The following FBN2 variants were observed in gnomAD, a reference collection of about 807,000 sequenced individuals.
FBN2 encodes fibrillin-2.
In FBN2, 105 loss-of-function variants were observed where a neutral mutation model predicts 355.6. The ratio of observed to expected loss-of-function variants is 0.30; its 90% CI spans 0.25 to 0.35. The LOEUF is 0.35. Among genes scored for constraint, FBN2 ranks in the 10% least tolerant of loss-of-function variants. The probability of loss-of-function intolerance (pLI) is 1.00; values close to 1 mark genes in which losing one functional copy is unlikely to be tolerated. For missense variants in FBN2, 3,280 were observed against 3,758.7 expected, an observed-to-expected ratio of 0.87 and a Z score of 3.33; for synonymous variants, 1,350 against 1,301.2, an observed-to-expected ratio of 1.04 and a Z score of -0.81.
intron 6 of FBN2, among the ~76,000 whole-genome samples, chr5:128,458,807 A>G (rs531272520): frequency 1.3e-5 from 2 of 152,300 alleles, no homozygotes; most frequent in South Asian, 4.1e-4. Context: ...CAGTGTTAAG[A>G]AGGAAATTTA....
chr5:128,495,903 A>G (rs1176136792), intron 5 of FBN2, among the ~76,000 whole-genome samples: 1 of 152,174 alleles, frequency 6.6e-6, no homozygotes, highest in Non-Finnish European at 1.5e-5. Flanking sequence ...AACAAATCAG[A>G]CATATGAAAT....
At chr5:128,334,383 A>T (rs1461196216) in intron 31 of FBN2, among the ~76,000 whole-genome samples, 1 of 152,146 alleles carries the variant, frequency 6.6e-6, no homozygotes, top group South Asian at 2.1e-4. Context: ...TTTGTACATG[A>T]ATGTCTTCCA....
chr5:128,376,918 TA>T, intron 13 of FBN2, 65 bp from the exon 14 acceptor site: 1 of 1,593,646 alleles, frequency 6.3e-7, no homozygotes, highest in Non-Finnish European at 8.6e-7. Flanking sequence ...TCTTCTTCCA[TA>T]AACAACCCCC....
At chr5:128,491,548 C>T (rs1755504725) in intron 5 of FBN2, among the ~76,000 whole-genome samples, 1 of 152,194 alleles carries the variant, frequency 6.6e-6, no homozygotes, top group African/African-American at 2.4e-5. Context: ...ACTACCACAA[C>T]CCACTGTAAG....
At chr5:128,466,325 A>G (rs1754709345) in intron 5 of FBN2, among the ~76,000 whole-genome samples, 1 of 152,266 alleles carries the variant, frequency 6.6e-6, no homozygotes, top group African/African-American at 2.4e-5. Flanking sequence ...AAGGTCTAAC[A>G]TAAATGATAT....
At chr5:128,431,387 T>G (rs1753622766) in intron 7 of FBN2, among the ~76,000 whole-genome samples, 1 of 152,210 alleles carries the variant, frequency 6.6e-6, no homozygotes, top group African/African-American at 2.4e-5. Context: ...TGAACCTGAT[T>G]GCTGTCAATC....
chr5:128,512,773 T>A (rs899744425), intron 5 of FBN2, among the ~76,000 whole-genome samples: 3 of 152,052 alleles, frequency 2.0e-5, no homozygotes, highest in African/African-American at 4.8e-5. Flanking sequence ...CATTTGAGAG[T>A]CCATTTTCGA....
intron 6 of FBN2, among the ~76,000 whole-genome samples, chr5:128,448,196 G>T (rs1447395192): frequency 1.3e-5 from 2 of 150,732 alleles, no homozygotes; most frequent in East Asian, 2.0e-4. Context: ...CAGAATGCCT[G>T]CAGGAGTCTT....
rs35072875 is a variant in FBN2 at position 128,377,550 on chromosome 5, C to CA, written c.1849+201dup. Among the ~76,000 whole-genome samples, 348 of 143,212 alleles carry CA rather than the reference C, an allele frequency of 2.4e-3. 1 individual carries two copies. Among genetic ancestry groups the CA allele is most frequent in the African/African-American group, 5.1e-3 (199 of 38,724 alleles). 94.0% of individuals were successfully genotyped at this position (143,212 alleles called of 152,430 possible). On this transcript the variant is annotated intron_variant, in intron 13 of 64. Transcript: ENST00000262464. ...TATAACATCTCCTCCCCTCCACCAC[C>CA]AAAAAAAAAAAACCAAAAAACAAAC...
At chr5:128,361,910 C>T in intron 18 of FBN2, 62 bp from the exon 19 acceptor site, 1 of 1,514,508 alleles carries the variant, frequency 6.6e-7, no homozygotes, top group South Asian at 1.1e-5. Context: ...CAGTGGGCAG[C>T]AATGTTTAAT....
chr5:128,326,359 C>T (rs1229209583), intron 34 of FBN2, among the ~76,000 whole-genome samples: 1 of 152,164 alleles, frequency 6.6e-6, no homozygotes, highest in Non-Finnish European at 1.5e-5. Flanking sequence ...AGCCTTTGCT[C>T]TCTCCTCAGA....
At chr5:128,267,599 G>T (rs1031754198) in intron 62 of FBN2, among the ~76,000 whole-genome samples, 1 of 151,912 alleles carries the variant, frequency 6.6e-6, no homozygotes, top group African/African-American at 2.4e-5. Flanking sequence ...TCATATGTTT[G>T]TTGGCCACAT....
chr5:128,461,481 C>T (rs79222448), intron 6 of FBN2, among the ~76,000 whole-genome samples: 1 of 152,292 alleles, frequency 6.6e-6, no homozygotes, highest in Admixed American at 6.5e-5. Context: ...TACCATTTGA[C>T]CCAGCAATCC....
chr5:128,311,787 T>A (rs1289569999), intron 38 of FBN2, 98 bp downstream of exon 38: 6 of 841,982 alleles, frequency 7.1e-6, no homozygotes, highest in East Asian at 2.5e-5. Flanking sequence ...TACTAAATTA[T>A]CTTGTCGGGG....
At chr5:128,487,892 GA>G (rs1323608319) in intron 5 of FBN2, among the ~76,000 whole-genome samples, 6 of 151,992 alleles carry the variant, frequency 3.9e-5, no homozygotes, top group Non-Finnish European at 7.4e-5. Flanking sequence ...CCTAAATTTA[GA>G]GATCATTAAA....
At chr5:128,453,629 CT>C (rs1469394998) in intron 6 of FBN2, among the ~76,000 whole-genome samples, 1 of 151,906 alleles carries the variant, frequency 6.6e-6, no homozygotes, top group Non-Finnish European at 1.5e-5. Flanking sequence ...CTTATGTTTT[CT>C]TTTTTTGTTG....
chr5:128,420,950 T>G (rs886575361), intron 7 of FBN2, among the ~76,000 whole-genome samples: 17 of 152,182 alleles, frequency 1.1e-4, no homozygotes, highest in Non-Finnish European at 2.2e-4. Flanking sequence ...TTGGCAGATA[T>G]AGTTATTGAT....
intron 5 of FBN2, among the ~76,000 whole-genome samples, chr5:128,477,117 C>T (rs933148097): frequency 3.3e-4 from 50 of 152,124 alleles, no homozygotes; most frequent in Non-Finnish European, 3.2e-4. Context: ...TAGCCACTAG[C>T]CACATGTGGT....
chr5:128,343,400 ACAG>A (rs1751083104), intron 25 of FBN2, among the ~76,000 whole-genome samples: 1 of 152,172 alleles, frequency 6.6e-6, no homozygotes, highest in African/African-American at 2.4e-5. Flanking sequence ...AGCCAGATGG[ACAG>A]CTGTGAAAAG....
Sources: allele counts gnomAD v4.1 joint callset (sites outside exome capture counted in the v4.1 genomes callset), GRCh38; gene constraint gnomAD v4.1.1; transcripts MANE v1.5; gene names NCBI Gene and HGNC (gene_info 2026-07-23, HGNC 2026-07-21).